The following HPX variants were observed in gnomAD, a reference collection of about 807,000 sequenced individuals.
HPX encodes hemopexin, also known as beta-1B-glycoprotein.
HPX carries 42 observed loss-of-function variants against 53.8 expected under a neutral mutation model. The observed-to-expected ratio is 0.78, with a 90% CI of 0.61 to 1.01. HPX has a LOEUF of 1.01. Ranked by LOEUF, HPX falls within the 50% of genes least tolerant of loss-of-function variation. The pLI is 0.00. For synonymous variants in HPX, 229 were observed against 221.1 expected, an observed-to-expected ratio of 1.04 and a Z score of -0.32; for missense variants, 547 against 594.3, an observed-to-expected ratio of 0.92 and a Z score of 0.83.
chr11:6,432,238 C>G, intron 7 of HPX: 2 of 583,048 alleles, frequency 3.4e-6, no homozygotes, highest in Middle Eastern at 4.6e-4. Context: ...GAAAGAAAGG[C>G]AAGTGTGGAA....
At chr11:6,440,424 G>GT in intron 3 of HPX, 43 bp downstream of exon 3, 1 of 1,591,390 alleles carries the variant, frequency 6.3e-7, no homozygotes, top group African/African-American at 1.3e-5. Flanking sequence ...GTGAAGGAGA[G>GT]TAAGTCTAAG....
At chr11:6,439,956 G>A in intron 4 of HPX, 1 of 638,074 alleles carries the variant, frequency 1.6e-6, no homozygotes, top group Non-Finnish European at 2.8e-6. Flanking sequence ...CTAAGACTAG[G>A]ACTGAAGAAC....
chr11:6,437,912 T>C, intron 5 of HPX: 1 of 571,088 alleles, frequency 1.8e-6, no homozygotes, highest in Non-Finnish European at 3.1e-6. Context: ...AAGTAGGAAT[T>C]AAAAGGCACA....
chr11:6,431,529 CCTT>C, intron 9 of HPX, 59 bp from the exon 10 acceptor site: 1 of 1,608,992 alleles, frequency 6.2e-7, no homozygotes, highest in Middle Eastern at 2.0e-4. Context: ...CTGACCTAGG[CCTT>C]CTCATGCCCT....
rs1014203420 is a variant in HPX, at chr11:6,440,072, C to A, written c.336+93G>T. 9 of 1,513,012 alleles carry A rather than the reference C, an allele frequency of 5.9e-6. No homozygotes were observed. In the African/African-American group the frequency reaches 1.2e-4, roughly 21 times the overall value. The allele number at this position is 1,513,012 out of a possible 1,614,324, so 93.7% of individuals were successfully genotyped here. On this transcript the variant is annotated intron_variant, in intron 4 of 9. Transcript: ENST00000265983. ...TGGGAAAGAAATCTGCTACCTATTG[C>A]TATGGGCTCCATGCCAAGGCCATTT...
At chr11:6,435,465 T>A (rs952200493) in intron 7 of HPX, among the ~76,000 whole-genome samples, 48 of 151,014 alleles carry the variant, frequency 3.2e-4, no homozygotes, top group African/African-American at 1.1e-3. Context: ...TGTTTTGTTT[T>A]TTGTTTTTGT....
intron 1 of HPX, 73 bp from the exon 2 acceptor site, chr11:6,440,803 G>T: frequency 6.3e-7 from 1 of 1,592,238 alleles, no homozygotes; most frequent in Non-Finnish European, 8.6e-7. Flanking sequence ...CCCCAAATTT[G>T]ACCGAGGCCT....
chr11:6,433,236 G>C (rs1849371895), intron 7 of HPX, among the ~76,000 whole-genome samples: 1 of 152,164 alleles, frequency 6.6e-6, no homozygotes, highest in African/African-American at 2.4e-5. Flanking sequence ...GAGTGCAATG[G>C]TGCAATCTCG....
At chr11:6,439,936 C>T (rs573435287) in intron 4 of HPX, 20 of 579,314 alleles carry the variant, frequency 3.5e-5, no homozygotes, top group African/African-American at 7.4e-5. Flanking sequence ...TACAGCAGAG[C>T]GGTGTAGAAC....
At chr11:6,440,118 C>A in intron 4 of HPX, 47 bp downstream of exon 4, 2 of 1,612,972 alleles carry the variant, frequency 1.2e-6, no homozygotes, top group Non-Finnish European at 1.7e-6. Context: ...TCCCCAGTGT[C>A]GATTCCAGCC....
rs775148260 is a variant in HPX, at chr11:6,440,741, C to T, written c.84-11G>A. On this transcript the variant is annotated splice_polypyrimidine_tract_variant and intron_variant, in intron 1 of 9. Coordinates refer to ENST00000265983, the MANE Select transcript of HPX (RefSeq NM_000613.3). ...CCATGGGCACTAGTCCTAGGGAGAA[C>T]AAAATAGATATCTTGATCCATTGGG... 7 of 1,612,782 alleles carry T rather than the reference C, an allele frequency of 4.3e-6. No individual in the cohort carries two copies. In the East Asian group the frequency reaches 1.1e-4, roughly 26 times the overall value.
intron 7 of HPX, among the ~76,000 whole-genome samples, chr11:6,435,639 G>A (rs1027688094): frequency 4.6e-5 from 7 of 152,114 alleles, no homozygotes; most frequent in Non-Finnish European, 1.0e-4. Flanking sequence ...TAGAGATGAG[G>A]TTTTGCCATG....
Position 6,440,685 on chromosome 11 carries a change from GT to G in HPX, c.128del (p.Asp43AlafsTer4), listed in dbSNP as rs1849472906. The G allele has an allele frequency of 2.5e-6, 4 of 1,613,438 alleles. No homozygotes were observed. The East Asian group carries it at 8.9e-5, about 36-fold the overall frequency. On this transcript the variant is annotated frameshift_variant, in exon 2 of 10. Coordinates refer to ENST00000265983, the MANE Select transcript of HPX (RefSeq NM_000613.3). LOFTEE classifies it high-confidence loss of function. ...GNVAEGETKP[D>X]PDVTERCSDG... ...TCAGGGCCTCACCAGTCACGTCTGG[GT>G]CTGGCTTGGTCTCGCCTTCAGCAAC...
chr11:6,438,174 C>T, intron 5 of HPX, 182 bp downstream of exon 5: 1 of 663,010 alleles, frequency 1.5e-6, no homozygotes. Flanking sequence ...TTGCCTTCAC[C>T]AGAATGACTT....
chr11:6,436,213 A>C (rs946871038), intron 7 of HPX, among the ~76,000 whole-genome samples: 2 of 152,198 alleles, frequency 1.3e-5, no homozygotes, highest in African/African-American at 4.8e-5. Flanking sequence ...TAACTGGTCA[A>C]ATTTGTCCAA....
intron 7 of HPX, among the ~76,000 whole-genome samples, chr11:6,432,898 A>G (rs540502106): frequency 6.6e-6 from 1 of 152,252 alleles, no homozygotes; most frequent in Non-Finnish European, 1.5e-5. Flanking sequence ...TGCCATCTAT[A>G]TGCTGATGAC....
At position 6,432,108 on chromosome 11, in the gene HPX, G is replaced by A. The variant is rs535919126; in HGVS notation, c.836-91C>T. On this transcript the variant is annotated intron_variant, in intron 7 of 9. Coordinates refer to ENST00000265983, the MANE Select transcript of HPX (RefSeq NM_000613.3). Reference sequence around the variant, plus strand: ...TGAATGCAGAAATGAGTCATGAGAGGGAGAGAATGCATCCAGAGGCCAAGA... The same window carrying A: ...TGAATGCAGAAATGAGTCATGAGAGAGAGAGAATGCATCCAGAGGCCAAGA... The A allele has an allele frequency of 2.8e-6, 4 of 1,435,356 alleles. No individual in the cohort carries two copies. The African/African-American group carries it at 5.6e-5, about 20-fold the overall frequency. The allele number at this position is 1,435,356 out of a possible 1,614,324, so 88.9% of individuals were successfully genotyped here. A position where few individuals can be genotyped will look rare whatever the true frequency, so the allele number is the denominator to read the frequency against.
chr11:6,440,059 C>A (rs75714695), intron 4 of HPX, 106 bp downstream of exon 4: 1 of 1,437,034 alleles, frequency 7.0e-7, no homozygotes, highest in Admixed American at 1.7e-5. Context: ...GGAAAGAAAT[C>A]TGCTACCTAT....
chr11:6,431,623 C>G lies in HPX; in HGVS notation c.1129+18G>C. On this transcript the variant is annotated intron_variant, in intron 9 of 9. Transcript: ENST00000265983. Reference sequence around the variant, plus strand: ...GTAGCAGAACAAGCTGCCCTCTAAGCACCCAGAAGCCCCTCACCTGCCATG... The same window carrying G: ...GTAGCAGAACAAGCTGCCCTCTAAGGACCCAGAAGCCCCTCACCTGCCATG... The G allele has an allele frequency of 1.2e-6, 2 of 1,612,510 alleles. No homozygotes were observed. Among genetic ancestry groups the G allele is most frequent in the Non-Finnish European group, 1.7e-6 (2 of 1,179,818 alleles).
Sources: gnomAD v4.1 joint callset for allele counts (sites outside exome capture counted in the v4.1 genomes callset) on GRCh38, gnomAD v4.1.1 for gene constraint, MANE v1.5 for transcripts, NCBI Gene and HGNC (gene_info 2026-07-23, HGNC 2026-07-21) for gene names.